The following COTL1 variants were observed in gnomAD, a reference collection of about 807,000 sequenced individuals.
The protein encoded by COTL1 is coactosin-like protein.
A neutral mutation model predicts 16.5 loss-of-function variants in COTL1; 15 were observed. The observed-to-expected ratio is 0.91, with a 90% CI of 0.61 to 1.40. The LOEUF (loss-of-function observed/expected upper bound fraction) is 1.40. Among genes scored for constraint, COTL1 ranks in the 40% most tolerant of loss-of-function variants. COTL1 has a pLI of 0.00. For synonymous variants in COTL1, 112 were observed against 85.3 expected (o/e 1.31, Z -1.73); for missense variants, 220 against 201.5 (o/e 1.09, Z -0.56).
intron 3 of COTL1, chr16:84,568,433 C>G (rs1303771617): frequency 6.6e-6 from 1 of 152,190 alleles, no homozygotes. Context: ...TATCAAAACA[C>G]GGTCCGTCCA....
chr16:84,572,535 A>C (rs1904356212), intron 3 of COTL1, among the ~76,000 whole-genome samples: 1 of 151,872 alleles, frequency 6.6e-6, no homozygotes, highest in South Asian at 2.1e-4. Flanking sequence ...ATCTCGGCTC[A>C]CTGCAGGCTC....
In COTL1 at chr16:84,590,316, C is replaced by G. The variant is rs1482773351; in HGVS notation, c.161-54G>C. The G allele has an allele frequency of 2.5e-6, 4 of 1,587,896 alleles. No individual in the cohort carries two copies. The African/African-American group carries it at 5.4e-5, about 21-fold the overall frequency. ...GTGCTGCGTTAAAACACCCCCATGT[C>G]ATGTCCCTGGGGAGAGGCTGTGAGC... On this transcript the variant is annotated intron_variant, in intron 2 of 3. Transcript: ENST00000262428. This position sits in a 1 kb window ranked among gnomAD's most constrained non-coding sequence, Gnocchi z 5.5.
chr16:84,610,451 G>C (rs547758144), intron 2 of COTL1, among the ~76,000 whole-genome samples: 2 of 152,286 alleles, frequency 1.3e-5, no homozygotes, highest in South Asian at 4.1e-4. Flanking sequence ...TGGTAGACAT[G>C]CCCTGTGAGC....
chr16:84,587,765 C>A (rs1904765605), intron 3 of COTL1, among the ~76,000 whole-genome samples: 1 of 150,700 alleles, frequency 6.6e-6, no homozygotes, highest in South Asian at 2.2e-4. Flanking sequence ...TCTATTATGT[C>A]CTATCATTAT....
intron 2 of COTL1, among the ~76,000 whole-genome samples, chr16:84,605,346 C>T (rs760433573): frequency 6.6e-6 from 1 of 152,218 alleles, no homozygotes; most frequent in African/African-American, 2.4e-5. Flanking sequence ...CAACAGGGCC[C>T]GCGATGCTGG....
Position 84,617,876 on chromosome 16 carries a change from C to A in COTL1, c.39G>T (p.Ala13=), listed in dbSNP as rs1186508653. The change falls in exon 1 of 4, where the codon GCG becomes GCT. Residue 13 remains alanine, a synonymous_variant. Coordinates refer to ENST00000262428, the MANE Select transcript of COTL1 (RefSeq NM_021149.5). ...AGCCGTCGTCGCGCACCAGGTTGTA[C>A]GCCGCCCGGCAAGCCTCTTTGTCGA... The part of the protein sequence containing the change: ...TKIDKEACRA[A]YNLVRDDGSA... The A allele has an allele frequency of 5.1e-6, 8 of 1,572,496 alleles. No individual in the cohort carries two copies. Among genetic ancestry groups the A allele is most frequent in the Non-Finnish European group, 6.9e-6 (8 of 1,160,228 alleles).
intron 2 of COTL1, among the ~76,000 whole-genome samples, chr16:84,606,057 T>A (rs1905205429): frequency 6.6e-6 from 1 of 152,202 alleles, no homozygotes; most frequent in African/African-American, 2.4e-5. Flanking sequence ...AAAAACAAGA[T>A]CTATGGCAGG....
At chr16:84,583,093 C>G (rs17825998) in intron 3 of COTL1, among the ~76,000 whole-genome samples, 34,769 of 152,196 alleles carry the variant, frequency 0.23, 4,111 homozygotes, top group Non-Finnish European at 0.27. Context: ...GTGCCAGAAG[C>G]CTTGGGAAAT....
At chr16:84,571,502 C>A (rs529988506) in intron 3 of COTL1, among the ~76,000 whole-genome samples, 1 of 152,116 alleles carries the variant, frequency 6.6e-6, no homozygotes, top group African/African-American at 2.4e-5. Flanking sequence ...CACCTGGGTC[C>A]GCTCATCTCT....
chr16:84,601,358 T>C (rs1468027753), intron 2 of COTL1, among the ~76,000 whole-genome samples: 1 of 152,258 alleles, frequency 6.6e-6, no homozygotes, highest in Non-Finnish European at 1.5e-5. Context: ...GAGTTGTGAC[T>C]GGCAGTTACA....
intron 2 of COTL1, among the ~76,000 whole-genome samples, chr16:84,597,410 G>A (rs531959229): frequency 3.3e-5 from 5 of 152,270 alleles, no homozygotes; most frequent in South Asian, 2.1e-4. Context: ...CTCCCTGCCC[G>A]CTGCAGAGCT....
chr16:84,591,656 A>C (rs1357701878), intron 2 of COTL1, among the ~76,000 whole-genome samples: 2 of 145,416 alleles, frequency 1.4e-5, no homozygotes, highest in Non-Finnish European at 3.0e-5. Context: ...AAAAAAAAAA[A>C]AAAAAAAAAC....
chr16:84,602,991 G>A (rs1000177914), intron 2 of COTL1, among the ~76,000 whole-genome samples: 12 of 152,322 alleles, frequency 7.9e-5, no homozygotes, highest in African/African-American at 2.4e-4. Flanking sequence ...TAGCCCAGAG[G>A]GACGCAGCTG....
chr16:84,586,563 G>A (rs147411323), intron 3 of COTL1, among the ~76,000 whole-genome samples: 131 of 152,228 alleles, frequency 8.6e-4, no homozygotes, highest in African/African-American at 3.0e-3. Flanking sequence ...ACTTTAAAAT[G>A]GCTACAATGG....
At chr16:84,577,851 C>T (rs1005519690) in intron 3 of COTL1, among the ~76,000 whole-genome samples, 1 of 152,168 alleles carries the variant, frequency 6.6e-6, no homozygotes. Context: ...ATAGAGGCGG[C>T]TGTTCCTATG....
intron 3 of COTL1, among the ~76,000 whole-genome samples, chr16:84,578,087 T>C (rs1904492764): frequency 6.6e-6 from 1 of 152,088 alleles, no homozygotes; most frequent in Admixed American, 6.6e-5. Flanking sequence ...ATCATGGCAC[T>C]TTCCCCACCG....
intron 3 of COTL1, 127 bp downstream of exon 3, chr16:84,589,978 C>T: frequency 1.1e-6 from 1 of 877,182 alleles, no homozygotes; most frequent in Non-Finnish European, 1.7e-6. Context: ...GGTGCAGAGA[C>T]ATAGCATGGC....
intron 2 of COTL1, among the ~76,000 whole-genome samples, chr16:84,614,549 G>A (rs1029434640): frequency 7.9e-5 from 12 of 152,138 alleles, no homozygotes; most frequent in Non-Finnish European, 8.8e-5. Context: ...GGAAGGGGGT[G>A]TTTCAGAGAG....
intron 2 of COTL1, among the ~76,000 whole-genome samples, chr16:84,598,800 G>A (rs1415790968): frequency 1.3e-5 from 2 of 148,970 alleles, no homozygotes; most frequent in Non-Finnish European, 3.0e-5. Flanking sequence ...CCAAGTGGGG[G>A]CGGCGGGGAC....
Sources: gnomAD v4.1 joint callset for allele counts (sites outside exome capture counted in the v4.1 genomes callset) on GRCh38, gnomAD v4.1.1 for gene constraint, Gnocchi (gnomAD v3.1) non-coding constraint, MANE v1.5 for transcripts, NCBI Gene and HGNC (gene_info 2026-07-23, HGNC 2026-07-21) for gene names.